Variants in ATP9A observed in about 807,000 individuals in gnomAD.
ATP9A encodes the protein ATPase phospholipid transporting 9A.
A neutral mutation model predicts 144.1 loss-of-function variants in ATP9A; 52 were observed. The ratio of observed to expected loss-of-function variants is 0.36; its 90% CI spans 0.29 to 0.45. The LOEUF (loss-of-function observed/expected upper bound fraction) is 0.45, where lower values mean the gene tolerates loss of function less well. Among genes scored for constraint, ATP9A ranks in the 20% least tolerant of loss-of-function variants. The probability of loss-of-function intolerance (pLI) is 1.00; values close to 1 mark genes in which losing one functional copy is unlikely to be tolerated. For synonymous variants in ATP9A, 582 were observed against 557.4 expected (o/e 1.04, Z -0.62); for missense variants, 947 against 1,392.7 (o/e 0.68, Z 5.09).
At chr20:51,604,042 A>G (rs551798726) in intron 27 of ATP9A, among the ~76,000 whole-genome samples, 94 of 152,162 alleles carry the variant, frequency 6.2e-4, no homozygotes, top group African/African-American at 2.1e-3. Flanking sequence ...GCCTCCCAAA[A>G]TGCTGGGATT....
intron 1 of ATP9A, among the ~76,000 whole-genome samples, chr20:51,747,652 T>C (rs1184792996): frequency 6.6e-6 from 1 of 152,216 alleles, no homozygotes; most frequent in Non-Finnish European, 1.5e-5. Context: ...TTCCAGCAGA[T>C]GGGCAGTCAG....
rs561692201 is a variant in ATP9A, at chr20:51,700,375, A to G, written c.437-2893T>C. On this transcript the variant is annotated intron_variant, in intron 4 of 27. Coordinates refer to ENST00000338821, the MANE Select transcript of ATP9A (RefSeq NM_006045.3). ...GTCTCTACAACAAACACAAAAAATCAGCCAGGTGTGGTGATGTGCACCTAC... is the reference window on the plus strand; with the variant it reads ...GTCTCTACAACAAACACAAAAAATCGGCCAGGTGTGGTGATGTGCACCTAC... Among the ~76,000 whole-genome samples, 22 of 152,310 alleles carry G rather than the reference A, an allele frequency of 1.4e-4. 1 individual carries two copies. Among genetic ancestry groups the G allele is most frequent in the Admixed American group, 1.2e-3 (18 of 15,300 alleles).
chr20:51,703,245 C>A (rs2077601788), intron 4 of ATP9A, among the ~76,000 whole-genome samples: 1 of 152,136 alleles, frequency 6.6e-6, no homozygotes, highest in African/African-American at 2.4e-5. Context: ...AGTAAAAACA[C>A]CCAATAATAT....
intron 16 of ATP9A, 145 bp from the exon 17 acceptor site, chr20:51,627,828 C>A: frequency 1.4e-6 from 1 of 701,198 alleles, no homozygotes; most frequent in Non-Finnish European, 2.5e-6. Flanking sequence ...TACGGCAATC[C>A]TCCCTGGAGC....
intron 10 of ATP9A, among the ~76,000 whole-genome samples, chr20:51,675,671 G>A (rs564161232): frequency 6.6e-6 from 1 of 152,244 alleles, no homozygotes; most frequent in African/African-American, 2.4e-5. Flanking sequence ...CTTGATGTCC[G>A]GAGCTTGAGA....
chr20:51,726,921 C>T (rs1473515113), intron 2 of ATP9A, among the ~76,000 whole-genome samples: 1 of 102,198 alleles, frequency 9.8e-6, no homozygotes, highest in African/African-American at 3.8e-5. Flanking sequence ...TTTTTTGAGA[C>T]GGAGCCTTGC....
intron 4 of ATP9A, among the ~76,000 whole-genome samples, chr20:51,711,297 T>C (rs1409981256): frequency 6.6e-6 from 1 of 152,220 alleles, no homozygotes; most frequent in Non-Finnish European, 1.5e-5. Flanking sequence ...TTCATACCCT[T>C]GGGAAATATA....
chr20:51,703,170 C>CACCT (rs1433901657), intron 4 of ATP9A, among the ~76,000 whole-genome samples: 1 of 152,118 alleles, frequency 6.6e-6, no homozygotes, highest in Non-Finnish European at 1.5e-5. Context: ...TGAACAACCC[C>CACCT]ACCTCCCACC....
chr20:51,766,555 A>G (rs1400150570), intron 1 of ATP9A, among the ~76,000 whole-genome samples: 5 of 152,236 alleles, frequency 3.3e-5, no homozygotes, highest in African/African-American at 9.6e-5. Flanking sequence ...CATTAAAACG[A>G]AGGAGGCCGG....
chr20:51,623,801 A>AAAAAG (rs558189054), intron 18 of ATP9A, among the ~76,000 whole-genome samples: 10,070 of 132,884 alleles, frequency 0.076, 586 homozygotes, highest in Non-Finnish European at 0.1. Flanking sequence ...AAAAAAAAAA[A>AAAAAG]AAAGAAAGAA....
chr20:51,682,742 C>T (rs1007193915), intron 9 of ATP9A, among the ~76,000 whole-genome samples: 11 of 149,796 alleles, frequency 7.3e-5, no homozygotes, highest in African/African-American at 4.9e-5. Flanking sequence ...CAGGCACGCA[C>T]CACCACACCC....
intron 1 of ATP9A, among the ~76,000 whole-genome samples, chr20:51,753,086 GAGCCAGACTC>G (rs2077839455): frequency 6.7e-6 from 1 of 150,172 alleles, no homozygotes; most frequent in African/African-American, 2.5e-5. Context: ...TGGGCAACAA[GAGCCAGACTC>G]TGTCTCAAAA....
chr20:51,755,576 C>T (rs2077852317), intron 1 of ATP9A, among the ~76,000 whole-genome samples: 2 of 152,158 alleles, frequency 1.3e-5, no homozygotes, highest in African/African-American at 4.8e-5. Context: ...AGTACAATTG[C>T]TTTGGAAAAT....
intron 3 of ATP9A, among the ~76,000 whole-genome samples, chr20:51,716,955 C>T (rs2077664560): frequency 6.6e-6 from 1 of 152,082 alleles, no homozygotes; most frequent in Non-Finnish European, 1.5e-5. Flanking sequence ...GGGCGGATCA[C>T]CTGAGGTCAG....
At chr20:51,635,679 G>A (rs1383002636) in intron 15 of ATP9A, among the ~76,000 whole-genome samples, 1 of 151,592 alleles carries the variant, frequency 6.6e-6, no homozygotes, top group East Asian at 1.9e-4. Context: ...CGAGGCTGCA[G>A]TGAGCCATGA....
rs769120496 is a variant in ATP9A at position 51,680,668 on chromosome 20, A to C, written c.800-4460T>G. Among the ~76,000 whole-genome samples, 4 of 152,116 alleles carry C rather than the reference A, an allele frequency of 2.6e-5. 1 individual carries two copies. The highest frequency in any genetic ancestry group is 5.9e-5 in the Non-Finnish European group (4 of 68,020). On this transcript the variant is annotated intron_variant, in intron 9 of 27. Transcript: ENST00000338821. Reference sequence around the variant, plus strand: ...ATAGCAGACCTGTTAACCGAGAGGCAAGAGTTACAGCCTATAGGGAACACA... The same window carrying C: ...ATAGCAGACCTGTTAACCGAGAGGCCAGAGTTACAGCCTATAGGGAACACA...
At chr20:51,704,373 G>A (rs188941088) in intron 4 of ATP9A, among the ~76,000 whole-genome samples, 1 of 142,750 alleles carries the variant, frequency 7.0e-6, no homozygotes, top group African/African-American at 2.7e-5. Context: ...TTGAGTTTCT[G>A]GTGTTTTGTT....
chr20:51,658,899 G>GGGGGC (rs2077399970), intron 13 of ATP9A, among the ~76,000 whole-genome samples: 1 of 132,118 alleles, frequency 7.6e-6, no homozygotes, highest in Non-Finnish European at 1.6e-5. Context: ...GGGGGGGGGG[G>GGGGGC]GGGGAAGGCT....
chr20:51,663,566 G>C (rs553772026), intron 13 of ATP9A, among the ~76,000 whole-genome samples: 1 of 151,906 alleles, frequency 6.6e-6, no homozygotes, highest in East Asian at 1.9e-4. Flanking sequence ...AGGCTGAGGC[G>C]GGCGGATCAC....
Sources: gnomAD v4.1 joint callset for allele counts (sites outside exome capture counted in the v4.1 genomes callset) on GRCh38, gnomAD v4.1.1 for gene constraint, MANE v1.5 for transcripts, NCBI Gene and HGNC (gene_info 2026-07-23, HGNC 2026-07-21) for gene names.